Variants in MCFD2 observed in about 807,000 individuals in gnomAD.
MCFD2 encodes multiple coagulation factor deficiency protein 2.
MCFD2 carries 11 observed loss-of-function variants against 12.8 expected under a neutral mutation model. That is an observed-to-expected ratio of 0.86 (90% CI 0.54 to 1.42). The LOEUF is 1.42. Among genes scored for constraint, MCFD2 ranks in the 40% most tolerant of loss-of-function variants. The pLI is 0.00. For synonymous variants in MCFD2, 70 were observed against 68.1 expected (o/e 1.03, Z -0.14); for missense variants, 191 against 178.6 (o/e 1.07, Z -0.40).
chr2:46,910,235 C>T (rs1350667004), intron 1 of MCFD2, among the ~76,000 whole-genome samples: 2 of 152,168 alleles, frequency 1.3e-5, no homozygotes, highest in South Asian at 4.1e-4. Context: ...CAGTATTACC[C>T]GCCAAGGGTC....
chr2:46,917,644 G>C (rs148921156), upstream of MCFD2, among the ~76,000 whole-genome samples: 46 of 152,208 alleles, frequency 3.0e-4, no homozygotes, highest in African/African-American at 1.0e-3. Context: ...TGTCTCTCTT[G>C]AATCTACAGT....
intron 1 of MCFD2, among the ~76,000 whole-genome samples, chr2:46,935,837 C>T (rs187305307): frequency 6.6e-6 from 1 of 152,230 alleles, no homozygotes; most frequent in East Asian, 1.9e-4. Flanking sequence ...CACCTATAAT[C>T]CTAGAGACTA....
chr2:46,920,041 G>A (rs73926962), upstream of MCFD2, among the ~76,000 whole-genome samples: 159 of 152,262 alleles, frequency 1.0e-3, no homozygotes, highest in African/African-American at 3.7e-3. Context: ...CTATAAACTG[G>A]GGTGGTGAAT....
At position 46,941,473 on chromosome 2, in the gene MCFD2, G is replaced by A; in HGVS notation, c.-8+99C>T. ...CGACCCCGCCCGCGAGTGCGCCCCAGCCAGGACGCCGCCCCCGGCCGGGTC... is the reference window on the plus strand; with the variant it reads ...CGACCCCGCCCGCGAGTGCGCCCCAACCAGGACGCCGCCCCCGGCCGGGTC... On this transcript the variant is annotated intron_variant, in intron 1 of 2. Transcript: ENST00000409147. This position sits in a 1 kb window ranked among gnomAD's most constrained non-coding sequence, Gnocchi z 4.2. 6 of 1,514,544 alleles carry A rather than the reference G, an allele frequency of 4.0e-6. No individual in the cohort carries two copies. The highest frequency in any genetic ancestry group is 4.4e-6 in the Non-Finnish European group (5 of 1,128,864). 93.8% of individuals were successfully genotyped at this position (1,514,544 alleles called of 1,614,324 possible).
In MCFD2 at chr2:46,905,372, G is replaced by C. The variant is rs938291632; in HGVS notation, c.*91C>G. 11 of 1,433,008 alleles carry C rather than the reference G, an allele frequency of 7.7e-6. No individual in the cohort carries two copies. The highest frequency in any genetic ancestry group is 1.1e-5 in the Non-Finnish European group (11 of 1,018,642). The allele number at this position is 1,433,008 out of a possible 1,614,324, so 88.8% of individuals were successfully genotyped here. On this transcript the variant is annotated 3_prime_UTR_variant, in exon 4 of 4. Transcript: ENST00000319466. ...TTTTTACCAAAATGCTGCAGCAGTAGTTGGAAATGAGTTATTTTGCATTAC... is the reference window on the plus strand; with the variant it reads ...TTTTTACCAAAATGCTGCAGCAGTACTTGGAAATGAGTTATTTTGCATTAC...
At chr2:46,923,450 T>C (rs1669213210) in intron 1 of MCFD2, among the ~76,000 whole-genome samples, 1 of 152,218 alleles carries the variant, frequency 6.6e-6, no homozygotes, top group South Asian at 2.1e-4. Context: ...AGTTGTATGC[T>C]AGAAAACAGG....
chr2:46,935,720 T>G (rs1249928211), intron 1 of MCFD2, among the ~76,000 whole-genome samples: 1 of 152,188 alleles, frequency 6.6e-6, no homozygotes, highest in Non-Finnish European at 1.5e-5. Context: ...GCTCTTAAGC[T>G]TCCTGCTTGG....
chr2:46,918,961 G>A (rs1041492361), upstream of MCFD2, among the ~76,000 whole-genome samples: 4 of 152,178 alleles, frequency 2.6e-5, no homozygotes, highest in African/African-American at 9.7e-5. Flanking sequence ...TGTGTACTCA[G>A]GTTGAAACTA....
chr2:46,921,716 G>A (rs749782757), intron 1 of MCFD2, among the ~76,000 whole-genome samples: 9 of 152,196 alleles, frequency 5.9e-5, no homozygotes, highest in Non-Finnish European at 1.0e-4. Flanking sequence ...AAGTGGTTGG[G>A]GGAGGGACAA....
At chr2:46,910,351 T>C (rs959225678) in intron 1 of MCFD2, among the ~76,000 whole-genome samples, 3 of 152,086 alleles carry the variant, frequency 2.0e-5, no homozygotes, top group Non-Finnish European at 4.4e-5. Context: ...GTGACCTACA[T>C]ACAAAAACAA....
intron 1 of MCFD2, among the ~76,000 whole-genome samples, chr2:46,915,068 A>C (rs746276210): frequency 1.7e-4 from 26 of 152,224 alleles, no homozygotes; most frequent in Non-Finnish European, 2.8e-4. Context: ...CTCTGTATAG[A>C]ACAAACTACA....
chr2:46,905,693 AT>A, intron 3 of MCFD2, 99 bp from the exon 4 acceptor site: 1 of 625,192 alleles, frequency 1.6e-6, no homozygotes, highest in Admixed American at 3.1e-5. Flanking sequence ...GGCACTGTTT[AT>A]TAAAAAAAAA....
intron 1 of MCFD2, among the ~76,000 whole-genome samples, chr2:46,933,948 G>A (rs1019695109): frequency 9.2e-5 from 14 of 152,178 alleles, no homozygotes; most frequent in African/African-American, 3.1e-4. Flanking sequence ...GGTGGGGAGG[G>A]CATCTCATTA....
At chr2:46,909,422 A>T (rs1236669059) in intron 1 of MCFD2, among the ~76,000 whole-genome samples, 1 of 152,180 alleles carries the variant, frequency 6.6e-6, no homozygotes, top group Non-Finnish European at 1.5e-5. Flanking sequence ...GCCAAGCAAC[A>T]CGTGAAAGCT....
intron 1 of MCFD2, among the ~76,000 whole-genome samples, chr2:46,936,407 T>C (rs532731829): frequency 6.6e-6 from 1 of 152,116 alleles, no homozygotes; most frequent in Non-Finnish European, 1.5e-5. Flanking sequence ...TTCTCAGACG[T>C]GTCTTATTTT....
chr2:46,922,690 C>T (rs2103808651), intron 1 of MCFD2, among the ~76,000 whole-genome samples: 1 of 151,908 alleles, frequency 6.6e-6, no homozygotes, highest in South Asian at 2.1e-4. Context: ...CATTCTCTCA[C>T]TCAACAACAA....
upstream of MCFD2, among the ~76,000 whole-genome samples, chr2:46,918,269 T>G (rs576687633): frequency 8.5e-5 from 13 of 152,368 alleles, no homozygotes; most frequent in Non-Finnish European, 1.6e-4. Flanking sequence ...GAGCTGTTTT[T>G]GATTTATCTC....
At chr2:46,925,130 A>G (rs887889632) in intron 1 of MCFD2, among the ~76,000 whole-genome samples, 1 of 152,104 alleles carries the variant, frequency 6.6e-6, no homozygotes. Context: ...TTATTTATTT[A>G]TTTCAGTGAT....
chr2:46,941,741 G>A lies in MCFD2; in HGVS notation c.-177C>T, dbSNP rs964943097. Reference sequence around the variant, plus strand: ...CCGGACACCGGTGAGTAAGGGAAGAGGCTGGCTCGCCGGCAGCGAGCGCGC... The same window carrying A: ...CCGGACACCGGTGAGTAAGGGAAGAAGCTGGCTCGCCGGCAGCGAGCGCGC... On this transcript the variant is annotated 5_prime_UTR_variant, in exon 1 of 3. Coordinates refer to the MCFD2 transcript ENST00000409147. This position sits in a 1 kb window ranked among gnomAD's most constrained non-coding sequence, Gnocchi z 4.2. The A allele has an allele frequency of 1.3e-6, 2 of 1,548,382 alleles. No homozygotes were observed. Among genetic ancestry groups the A allele is most frequent in the Non-Finnish European group, 1.7e-6 (2 of 1,146,214 alleles).
Sources: allele counts gnomAD v4.1 joint callset (sites outside exome capture counted in the v4.1 genomes callset), GRCh38; gene constraint gnomAD v4.1.1; non-coding constraint Gnocchi (gnomAD v3.1); transcripts MANE v1.5; gene names NCBI Gene and HGNC (gene_info 2026-07-23, HGNC 2026-07-21).